TLL1: variants seen among roughly 807,000 people sequenced by gnomAD.
TLL1 encodes tolloid like 1.
Under a neutral mutation model 128.2 loss-of-function variants are expected in TLL1, and 49 were observed. That is an observed-to-expected ratio of 0.38 (90% CI 0.30 to 0.48). TLL1 has a LOEUF of 0.48. TLL1 is among the 20% of genes least tolerant of loss of function. TLL1 has a pLI of 0.96. For missense variants in TLL1, 1,123 were observed against 1,242.0 expected, an observed-to-expected ratio of 0.90 and a Z score of 1.44; for synonymous variants, 454 against 418.8, an observed-to-expected ratio of 1.08 and a Z score of -1.03.
rs546111486 is a variant in TLL1, at chr4:166,080,906, C to CT, written c.2442+2879dup. Among the ~76,000 whole-genome samples, 643 of 152,040 alleles carry CT rather than the reference C, an allele frequency of 4.2e-3. 7 individuals carry two copies. Among genetic ancestry groups the CT allele is most frequent in the African/African-American group, 0.015 (611 of 41,528 alleles). On this transcript the variant is annotated intron_variant, in intron 18 of 20. Coordinates refer to ENST00000061240, the MANE Select transcript of TLL1 (RefSeq NM_012464.5). ...ATTGTTCCTCTCCACCCTTTTTTGTCTTTATCAGTGGTAGGTGGCAGTTGC... is the reference window on the plus strand; with the variant it reads ...ATTGTTCCTCTCCACCCTTTTTTGTCTTTTATCAGTGGTAGGTGGCAGTTGC...
chr4:166,078,588 T>TA (rs1454121570), intron 18 of TLL1, among the ~76,000 whole-genome samples: 3 of 152,222 alleles, frequency 2.0e-5, no homozygotes, highest in Admixed American at 2.0e-4. Flanking sequence ...AATATGAGTA[T>TA]AATGTCTCAT....
chr4:165,985,834 A>C (rs1736371000), intron 1 of TLL1, among the ~76,000 whole-genome samples: 1 of 152,024 alleles, frequency 6.6e-6, no homozygotes, highest in Non-Finnish European at 1.5e-5. Context: ...TTTAGGAGAA[A>C]AACAAAACCT....
chr4:166,009,526 C>G lies in TLL1; in HGVS notation c.917+1478C>G, dbSNP rs78210813. Among the ~76,000 whole-genome samples, 107 of 151,472 alleles carry G rather than the reference C, an allele frequency of 7.1e-4. 1 individual carries two copies. The highest frequency in any genetic ancestry group is 2.6e-3 in the African/African-American group (106 of 41,458). ...TCTTGTTGCCCGTAGTCCACCTCAC[C>G]CACACCTGCTTATGAGTTGAATGCC... On this transcript the variant is annotated intron_variant, in intron 7 of 20. Transcript: ENST00000061240.
At chr4:165,906,908 A>G (rs1241851258) in intron 1 of TLL1, among the ~76,000 whole-genome samples, 1 of 136,198 alleles carries the variant, frequency 7.3e-6, no homozygotes, top group Non-Finnish European at 1.6e-5. Context: ...CCAAATTTTT[A>G]GTTTCATAAC....
intron 19 of TLL1, among the ~76,000 whole-genome samples, chr4:166,092,567 G>A (rs1017022073): frequency 7.2e-5 from 11 of 151,922 alleles, no homozygotes; most frequent in Admixed American, 7.2e-4. Flanking sequence ...CTAATGAAGG[G>A]GTGGAAAAAT....
intron 1 of TLL1, among the ~76,000 whole-genome samples, chr4:165,975,601 A>G (rs1735840726): frequency 6.6e-6 from 1 of 152,172 alleles, no homozygotes; most frequent in Admixed American, 6.5e-5. Flanking sequence ...TAAAAGAAAA[A>G]ATATTATGGG....
chr4:165,920,736 A>G (rs1414877756), intron 1 of TLL1, among the ~76,000 whole-genome samples: 2 of 152,180 alleles, frequency 1.3e-5, no homozygotes, highest in Admixed American at 1.3e-4. Flanking sequence ...CTTTTTGTTT[A>G]TAAGTTATAT....
intron 1 of TLL1, among the ~76,000 whole-genome samples, chr4:165,974,500 G>T (rs1735784108): frequency 6.6e-6 from 1 of 151,978 alleles, no homozygotes; most frequent in Admixed American, 6.6e-5. Context: ...GTATATTACC[G>T]AGAAGGTTAT....
intron 1 of TLL1, among the ~76,000 whole-genome samples, chr4:165,935,382 CTT>C (rs1439742182): frequency 6.6e-6 from 1 of 152,230 alleles, no homozygotes; most frequent in African/African-American, 2.4e-5. Flanking sequence ...GCATCTGTCT[CTT>C]TTGCTCTAGC....
intron 1 of TLL1, chr4:165,919,765 A>G: frequency 2.2e-6 from 1 of 455,756 alleles, no homozygotes; most frequent in African/African-American, 2.0e-5. Flanking sequence ...TGGATGCAGT[A>G]TTAGTGCCTC....
chr4:165,955,230 T>G (rs73860902), intron 1 of TLL1, among the ~76,000 whole-genome samples: 2,750 of 151,102 alleles, frequency 0.018, 70 homozygotes, highest in African/African-American at 0.063. Context: ...AAAATTAAAA[T>G]AAAAATAAAA....
chr4:165,941,096 G>T (rs753638991), intron 1 of TLL1, among the ~76,000 whole-genome samples: 1 of 151,924 alleles, frequency 6.6e-6, no homozygotes, highest in Non-Finnish European at 1.5e-5. Flanking sequence ...CTTCGTAATT[G>T]TGTCAAGCTC....
At chr4:166,039,113 T>C (rs1195478612) in intron 9 of TLL1, among the ~76,000 whole-genome samples, 3 of 152,182 alleles carry the variant, frequency 2.0e-5, no homozygotes, top group African/African-American at 7.2e-5. Flanking sequence ...GTTCAACTAC[T>C]CATATTGTAC....
intron 1 of TLL1, among the ~76,000 whole-genome samples, chr4:165,925,482 G>T (rs1001379539): frequency 2.2e-4 from 33 of 152,296 alleles, no homozygotes; most frequent in African/African-American, 7.5e-4. Context: ...CTGATTTGCT[G>T]CAATCCCATG....
intron 1 of TLL1, among the ~76,000 whole-genome samples, chr4:165,894,271 T>G (rs1731560936): frequency 6.6e-6 from 1 of 152,080 alleles, no homozygotes; most frequent in Non-Finnish European, 1.5e-5. Flanking sequence ...ACAATCAAGT[T>G]GATTAAATTC....
At chr4:165,907,917 T>C (rs1732344375) in intron 1 of TLL1, among the ~76,000 whole-genome samples, 1 of 152,192 alleles carries the variant, frequency 6.6e-6, no homozygotes, top group Non-Finnish European at 1.5e-5. Flanking sequence ...ATTATATCAA[T>C]TGATAAAAAG....
intron 1 of TLL1, among the ~76,000 whole-genome samples, chr4:165,943,022 A>G (rs1413815463): frequency 6.6e-6 from 1 of 152,110 alleles, no homozygotes; most frequent in Non-Finnish European, 1.5e-5. Context: ...GGTGAATAGG[A>G]CATTCAAGTT....
chr4:165,970,902 A>G (rs1735601793), intron 1 of TLL1, among the ~76,000 whole-genome samples: 1 of 152,100 alleles, frequency 6.6e-6, no homozygotes, highest in South Asian at 2.1e-4. Context: ...TCTGTGATCT[A>G]CCTAATGGTT....
intron 7 of TLL1, among the ~76,000 whole-genome samples, chr4:166,010,576 T>A (rs1021275046): frequency 6.6e-6 from 1 of 150,476 alleles, no homozygotes; most frequent in African/African-American, 2.4e-5. Flanking sequence ...ATATTGGAAA[T>A]TTTTTTTCCA....
Sources: allele counts gnomAD v4.1 joint callset (sites outside exome capture counted in the v4.1 genomes callset), GRCh38; gene constraint gnomAD v4.1.1; transcripts MANE v1.5; gene names NCBI Gene and HGNC (gene_info 2026-07-23, HGNC 2026-07-21).